Variants in EPHA6 observed in about 807,000 individuals in gnomAD.
EPHA6 encodes the protein ephrin type-A receptor 6.
EPHA6 carries 50 observed loss-of-function variants against 112.0 expected under a neutral mutation model. The ratio of observed to expected loss-of-function variants is 0.45; its 90% CI spans 0.36 to 0.56. EPHA6 has a LOEUF of 0.56. Ranked by LOEUF, EPHA6 falls within the 20% of genes least tolerant of loss-of-function variation. The pLI, the probability that EPHA6 is intolerant of heterozygous loss-of-function variation, is 0.00. For missense variants in EPHA6, 1,280 were observed against 1,417.4 expected (o/e 0.90, Z 1.56); for synonymous variants, 529 against 490.7 (o/e 1.08, Z -1.03).
At chr3:97,415,993 T>C (rs2088093230) in intron 6 of EPHA6, among the ~76,000 whole-genome samples, 1 of 152,060 alleles carries the variant, frequency 6.6e-6, no homozygotes, top group Non-Finnish European at 1.5e-5. Flanking sequence ...TAAATGTTTC[T>C]CCATTTCGCC....
At chr3:97,532,756 A>C (rs931504021) in intron 11 of EPHA6, among the ~76,000 whole-genome samples, 5 of 152,066 alleles carry the variant, frequency 3.3e-5, no homozygotes, top group African/African-American at 9.7e-5. Context: ...CCTGCAAATC[A>C]TTCCTAACAT....
At chr3:97,385,586 T>G (rs1251514966) in intron 5 of EPHA6, among the ~76,000 whole-genome samples, 1 of 152,198 alleles carries the variant, frequency 6.6e-6, no homozygotes, top group Non-Finnish European at 1.5e-5. Flanking sequence ...TTCCCTGTAA[T>G]GCCTCCAAAT....
chr3:97,079,531 G>A (rs924242007), intron 3 of EPHA6, among the ~76,000 whole-genome samples: 1 of 148,694 alleles, frequency 6.7e-6, no homozygotes, highest in Non-Finnish European at 1.5e-5. Flanking sequence ...GAACTAATAT[G>A]TACAACAGAC....
intron 5 of EPHA6, among the ~76,000 whole-genome samples, chr3:97,352,432 C>T (rs2083860410): frequency 6.6e-6 from 1 of 152,190 alleles, no homozygotes; most frequent in Non-Finnish European, 1.5e-5. Flanking sequence ...CTAACACCAC[C>T]TTTCTCACAT....
At chr3:97,416,845 C>A (rs77741215) in intron 6 of EPHA6, among the ~76,000 whole-genome samples, 7,094 of 151,964 alleles carry the variant, frequency 0.047, 503 homozygotes, top group African/African-American at 0.15. Context: ...TTTTAACTTT[C>A]AGTTATTTTT....
chr3:97,035,156 G>A (rs963572529), intron 3 of EPHA6, among the ~76,000 whole-genome samples: 1 of 151,706 alleles, frequency 6.6e-6, no homozygotes, highest in African/African-American at 2.4e-5. Flanking sequence ...ATTTATATGG[G>A]GTCATTATTA....
intron 3 of EPHA6, among the ~76,000 whole-genome samples, chr3:97,151,419 A>T (rs973557662): frequency 3.3e-5 from 5 of 152,140 alleles, no homozygotes; most frequent in Admixed American, 2.6e-4. Flanking sequence ...TGCCTTATAC[A>T]TAGTAGGTAA....
At chr3:97,385,809 G>A (rs561301102) in intron 5 of EPHA6, among the ~76,000 whole-genome samples, 2 of 152,258 alleles carry the variant, frequency 1.3e-5, no homozygotes, top group South Asian at 4.1e-4. Flanking sequence ...GAGAGAAAGA[G>A]CAAAGGGGGA....
intron 16 of EPHA6, among the ~76,000 whole-genome samples, chr3:97,736,505 G>GTC: frequency 6.6e-6 from 1 of 151,544 alleles, no homozygotes; most frequent in Non-Finnish European, 1.5e-5. Context: ...GTGTGTGTGT[G>GTC]TGTGTGCAGC....
chr3:97,614,565 G>A (rs2093749718), intron 13 of EPHA6, among the ~76,000 whole-genome samples: 1 of 149,058 alleles, frequency 6.7e-6, no homozygotes, highest in South Asian at 2.1e-4. Context: ...CATTGGCCAG[G>A]ATGATTTCAA....
intron 3 of EPHA6, among the ~76,000 whole-genome samples, chr3:97,142,791 A>G (rs527725001): frequency 2.9e-4 from 44 of 152,052 alleles, no homozygotes; most frequent in African/African-American, 9.9e-4. Context: ...TCTCTTTACA[A>G]TAAAAACCCT....
chr3:97,238,607 T>C (rs1010840393), intron 4 of EPHA6, among the ~76,000 whole-genome samples: 3 of 151,884 alleles, frequency 2.0e-5, no homozygotes, highest in African/African-American at 7.2e-5. Flanking sequence ...GATGATTGAG[T>C]GAAACAAATT....
At position 97,750,644 on chromosome 3, in the gene EPHA6, C is replaced by G. The variant is rs1317875005; in HGVS notation, c.*1943C>G. Among the ~76,000 whole-genome samples, 2 of 152,066 alleles carry G rather than the reference C, an allele frequency of 1.3e-5. No individual in the cohort carries two copies. Among genetic ancestry groups the G allele is most frequent in the Non-Finnish European group, 2.9e-5 (2 of 68,000 alleles). On this transcript the variant is annotated 3_prime_UTR_variant, in exon 18 of 18. Transcript: ENST00000389672. ...TGCTGAGATTACAGGCGTGAGCCAC[C>G]GCGCCTGGCCATTTTTTTCTTATAT...
intron 5 of EPHA6, among the ~76,000 whole-genome samples, chr3:97,334,804 T>C (rs573369508): frequency 6.6e-6 from 1 of 152,322 alleles, no homozygotes; most frequent in East Asian, 1.9e-4. Context: ...ACTTTTTTCA[T>C]AGAAACAGCT....
chr3:97,606,008 G>T (rs1027455066), intron 12 of EPHA6, among the ~76,000 whole-genome samples: 1 of 151,370 alleles, frequency 6.6e-6, no homozygotes, highest in Admixed American at 6.6e-5. Context: ...TGAAGTAAAA[G>T]ATAAAACTAG....
At chr3:97,046,579 A>AATTGTT (rs2045514802) in intron 3 of EPHA6, among the ~76,000 whole-genome samples, 1 of 152,202 alleles carries the variant, frequency 6.6e-6, no homozygotes, top group Non-Finnish European at 1.5e-5. Flanking sequence ...AAGGAAATAA[A>AATTGTT]ATTGTTATTT....
chr3:97,538,943 A>T (rs1385177882), intron 11 of EPHA6, among the ~76,000 whole-genome samples: 4 of 152,130 alleles, frequency 2.6e-5, no homozygotes, highest in African/African-American at 9.7e-5. Context: ...AGTAATATTT[A>T]TGAACTGCCT....
At chr3:97,182,238 C>A (rs954807909) in intron 3 of EPHA6, among the ~76,000 whole-genome samples, 1 of 151,372 alleles carries the variant, frequency 6.6e-6, no homozygotes, top group Admixed American at 6.6e-5. Context: ...TCTCAGAAAA[C>A]AATAATTTTA....
chr3:97,134,711 G>C (rs1202559552), intron 3 of EPHA6, among the ~76,000 whole-genome samples: 2 of 152,000 alleles, frequency 1.3e-5, no homozygotes, highest in Non-Finnish European at 2.9e-5. Flanking sequence ...GCATCATTAT[G>C]ATTTTTTAAT....
Sources: gnomAD v4.1 joint callset for allele counts (sites outside exome capture counted in the v4.1 genomes callset) on GRCh38, gnomAD v4.1.1 for gene constraint, MANE v1.5 for transcripts, NCBI Gene and HGNC (gene_info 2026-07-23, HGNC 2026-07-21) for gene names.